Variants in PHACTR1 observed in about 807,000 individuals in gnomAD.
The protein encoded by PHACTR1 is phosphatase and actin regulator 1.
Under a neutral mutation model 69.2 loss-of-function variants are expected in PHACTR1, and 16 were observed. The observed-to-expected ratio is 0.23, with a 90% confidence interval of 0.16 to 0.35. The LOEUF is 0.35. Ranked by LOEUF, PHACTR1 falls within the 10% of genes least tolerant of loss-of-function variation. The pLI is 1.00. For synonymous variants in PHACTR1, 312 were observed against 284.5 expected (o/e 1.10, Z -0.97); for missense variants, 510 against 734.7 (o/e 0.69, Z 3.54).
At chr6:13,201,748 A>G (rs576309149) in intron 7 of PHACTR1, among the ~76,000 whole-genome samples, 361 of 152,272 alleles carry the variant, frequency 2.4e-3, no homozygotes, top group African/African-American at 7.3e-3. Flanking sequence ...GCCTCTAGTT[A>G]TGTTATGGGG....
At chr6:13,042,368 C>G (rs899042892) in intron 4 of PHACTR1, among the ~76,000 whole-genome samples, 4 of 152,186 alleles carry the variant, frequency 2.6e-5, no homozygotes, top group African/African-American at 9.7e-5. Context: ...AAGGATCTTT[C>G]TTCTTAGCCA....
chr6:13,185,465 GAAAAA>G lies in PHACTR1; in HGVS notation c.664+2791_664+2795del, dbSNP rs11290728. Among the ~76,000 whole-genome samples, 30 of 142,214 alleles carry G rather than the reference GAAAAA, an allele frequency of 2.1e-4. No homozygotes were observed. In the East Asian group the frequency reaches 3.9e-3, roughly 18 times the overall value. 93.3% of individuals were successfully genotyped at this position (142,214 alleles called of 152,430 possible). A position where few individuals can be genotyped will look rare whatever the true frequency, so the allele number is the denominator to read the frequency against. ...TGTCAGTGCTGTCTGTTCTCTTAGG[GAAAAA>G]AAAAAAAAAAAGACAATCTGCAAAT... On this transcript the variant is annotated intron_variant, in intron 7 of 14. Coordinates refer to ENST00000332995, the MANE Select transcript of PHACTR1 (RefSeq NM_030948.6).
chr6:13,125,881 G>A (rs975552335), intron 5 of PHACTR1, among the ~76,000 whole-genome samples: 3 of 151,924 alleles, frequency 2.0e-5, no homozygotes, highest in Admixed American at 6.6e-5. Context: ...AGTGAGCCAT[G>A]ATCGTACCAC....
intron 4 of PHACTR1, among the ~76,000 whole-genome samples, chr6:12,769,281 T>A (rs370373140): frequency 6.6e-6 from 1 of 152,254 alleles, no homozygotes; most frequent in South Asian, 2.1e-4. Flanking sequence ...GATTTGATCA[T>A]TCATGCTATG....
intron 4 of PHACTR1, among the ~76,000 whole-genome samples, chr6:13,000,643 G>GAAGGAA (rs1562115334): frequency 3.5e-5 from 2 of 56,462 alleles, no homozygotes; most frequent in African/African-American, 1.4e-4. Context: ...GAAGGAAGGG[G>GAAGGAA]GGAGGGAGGG....
chr6:12,869,975 C>G (rs1169666812), intron 4 of PHACTR1, among the ~76,000 whole-genome samples: 1 of 152,142 alleles, frequency 6.6e-6, no homozygotes, highest in Admixed American at 6.5e-5. Flanking sequence ...CCTTAGATAA[C>G]CTTATGTGAT....
At chr6:13,214,271 G>T (rs1767346363) in intron 8 of PHACTR1, 1 of 151,198 alleles carries the variant, frequency 6.6e-6, no homozygotes, top group Non-Finnish European at 1.5e-5. Context: ...ATCCACTCCT[G>T]CTTCCCCTGT....
At chr6:12,893,827 A>G (rs571426130) in intron 4 of PHACTR1, among the ~76,000 whole-genome samples, 1 of 152,208 alleles carries the variant, frequency 6.6e-6, no homozygotes, top group Non-Finnish European at 1.5e-5. Flanking sequence ...CAAGTGTCAC[A>G]TGGGCTTCCA....
At chr6:12,867,094 A>G (rs1340813954) in intron 4 of PHACTR1, among the ~76,000 whole-genome samples, 1 of 152,138 alleles carries the variant, frequency 6.6e-6, no homozygotes, top group Non-Finnish European at 1.5e-5. Flanking sequence ...GAAAGGAAAA[A>G]AAATCAGGCC....
At chr6:12,885,757 C>G (rs1440881605) in intron 4 of PHACTR1, among the ~76,000 whole-genome samples, 2 of 152,188 alleles carry the variant, frequency 1.3e-5, no homozygotes, top group African/African-American at 4.8e-5. Context: ...CTAGCGATGG[C>G]AGGCACACGG....
chr6:13,052,988 G>A (rs1283719064), intron 4 of PHACTR1, among the ~76,000 whole-genome samples: 1 of 152,120 alleles, frequency 6.6e-6, no homozygotes, highest in African/African-American at 2.4e-5. Context: ...TAGTGATTGC[G>A]TCTGCCAAGT....
rs10526737 is a variant in PHACTR1 at position 12,897,698 on chromosome 6, TTTATTATTATTA to T, written c.250+147931_250+147942del. Among the ~76,000 whole-genome samples, 34 of 148,682 alleles carry T rather than the reference TTTATTATTATTA, an allele frequency of 2.3e-4. 1 individual carries two copies. Among genetic ancestry groups the T allele is most frequent in the South Asian group, 1.3e-3 (6 of 4,666 alleles). On this transcript the variant is annotated intron_variant, in intron 4 of 14. Coordinates refer to ENST00000332995, the MANE Select transcript of PHACTR1 (RefSeq NM_030948.6). ...ACATGCAACAAGCACTTTGTAATCT[TTTATTATTATTA>T]TTATTATTATTATTATTATTATACT...
chr6:12,919,819 T>C (rs1452467016), intron 4 of PHACTR1, among the ~76,000 whole-genome samples: 1 of 152,196 alleles, frequency 6.6e-6, no homozygotes, highest in Non-Finnish European at 1.5e-5. Flanking sequence ...ATCTTTTGCG[T>C]CTTTTGTTTT....
intron 4 of PHACTR1, among the ~76,000 whole-genome samples, chr6:12,983,330 G>A (rs1366832420): frequency 3.9e-5 from 6 of 152,182 alleles, no homozygotes; most frequent in Non-Finnish European, 8.8e-5. Context: ...TGATTCAAAA[G>A]AGGAGGTGGC....
At chr6:12,800,615 G>A (rs114657176) in intron 4 of PHACTR1, among the ~76,000 whole-genome samples, 89 of 152,288 alleles carry the variant, frequency 5.8e-4, no homozygotes, top group Admixed American at 2.0e-3. Flanking sequence ...GCCAGGTGCC[G>A]TGCCTCATAC....
At chr6:12,892,678 A>G (rs536251438) in intron 4 of PHACTR1, among the ~76,000 whole-genome samples, 1 of 152,240 alleles carries the variant, frequency 6.6e-6, no homozygotes, top group South Asian at 2.1e-4. Flanking sequence ...CCCATGGAAA[A>G]AAAGGAACAG....
rs34065683 is a variant in PHACTR1 at position 12,813,118 on chromosome 6, T to TA, written c.250+63330dup. Among the ~76,000 whole-genome samples, 1,085 of 152,296 alleles carry TA rather than the reference T, an allele frequency of 7.1e-3. 17 individuals carry two copies. The highest frequency in any genetic ancestry group is 0.025 in the African/African-American group (1,035 of 41,552). ...TTATAACCTGGTGGATCTTAGGTAT[T>TA]AAGGATGCACAGAGAGAGAAAAAAA... On this transcript the variant is annotated intron_variant, in intron 4 of 14. Transcript: ENST00000332995.
intron 4 of PHACTR1, among the ~76,000 whole-genome samples, chr6:12,779,726 A>G (rs1393236979): frequency 6.6e-6 from 1 of 152,162 alleles, no homozygotes; most frequent in Non-Finnish European, 1.5e-5. Flanking sequence ...TTGTTATGCC[A>G]TAGGGTCCAG....
At chr6:13,033,494 A>G (rs1802783386) in intron 4 of PHACTR1, among the ~76,000 whole-genome samples, 1 of 152,182 alleles carries the variant, frequency 6.6e-6, no homozygotes, top group Non-Finnish European at 1.5e-5. Context: ...GCACCATTAT[A>G]TCATTGATTC....
Sources: gnomAD v4.1 joint callset for allele counts (sites outside exome capture counted in the v4.1 genomes callset) on GRCh38, gnomAD v4.1.1 for gene constraint, MANE v1.5 for transcripts, NCBI Gene and HGNC (gene_info 2026-07-23, HGNC 2026-07-21) for gene names.